SEC14L1: variants seen among roughly 807,000 people sequenced by gnomAD.
SEC14L1 encodes SEC14-like protein 1.
In SEC14L1, 48 loss-of-function variants were observed where a neutral mutation model predicts 85.3. The ratio of observed to expected loss-of-function variants is 0.56; its 90% CI spans 0.45 to 0.72. SEC14L1 has a LOEUF of 0.72. SEC14L1 is among the 30% of genes least tolerant of loss of function. The pLI is 0.00. For synonymous variants in SEC14L1, 391 were observed against 355.5 expected (o/e 1.10, Z -1.12); for missense variants, 682 against 921.4 (o/e 0.74, Z 3.36).
At chr17:77,200,737 C>G in intron 9 of SEC14L1, 64 bp downstream of exon 9, 1 of 1,503,868 alleles carries the variant, frequency 6.6e-7, no homozygotes, top group South Asian at 1.3e-5. Flanking sequence ...AGATATCTTC[C>G]AAGGCCTCCT....
At chr17:77,147,770 G>C (rs80352640) in intron 3 of SEC14L1, among the ~76,000 whole-genome samples, 1,872 of 152,274 alleles carry the variant, frequency 0.012, 23 homozygotes, top group South Asian at 0.046. Flanking sequence ...GGAACCTTCT[G>C]GGGGGATGGT....
intron 3 of SEC14L1, among the ~76,000 whole-genome samples, chr17:77,122,366 A>T (rs1046804003): frequency 6.6e-6 from 1 of 151,822 alleles, no homozygotes; most frequent in Admixed American, 6.6e-5. Flanking sequence ...CAGTGGCACA[A>T]TCTTGGCTCA....
In SEC14L1 at chr17:77,103,456, G is replaced by T. The variant is rs1311262299; in HGVS notation, c.-136+10109G>T. 2.7e-5 allele frequency among the ~76,000 whole-genome samples: 4 copies of T among 148,262 alleles called. No homozygotes were observed. The East Asian group carries it at 8.1e-4, about 30-fold the overall frequency. ...GTTGTTTTTTTTTTGTTGTTGTTTTGTTTTGTTTTTGAGACAGAACCTCAC... is the reference window on the plus strand; with the variant it reads ...GTTGTTTTTTTTTTGTTGTTGTTTTTTTTTGTTTTTGAGACAGAACCTCAC... On this transcript the variant is annotated intron_variant, in intron 3 of 19. Transcript: ENST00000392476.
In SEC14L1 at chr17:77,191,219, C is replaced by T. The variant is rs1222506587; in HGVS notation, c.252C>T (p.Asn84=). The change falls in exon 5 of 17, where the codon AAC becomes AAT. Residue 84 remains asparagine, a synonymous_variant. Transcript: ENST00000436233. The part of the protein sequence containing the change: ...GVDYVYFVQK[N]SLNSRERTLH... Reference sequence around the variant, plus strand: ...ATTATGTTTATTTTGTCCAGAAAAACTCACTGAATTCTCGGGAACGTACTT... The same window carrying T: ...ATTATGTTTATTTTGTCCAGAAAAATTCACTGAATTCTCGGGAACGTACTT... 2 of 1,612,746 alleles carry T rather than the reference C, an allele frequency of 1.2e-6. No homozygotes were observed. The highest frequency in any genetic ancestry group is 1.1e-5 in the South Asian group (1 of 91,062).
chr17:77,100,242 C>G (rs1971736612), intron 3 of SEC14L1, among the ~76,000 whole-genome samples: 1 of 152,238 alleles, frequency 6.6e-6, no homozygotes, highest in Admixed American at 6.5e-5. Context: ...CCCTCTGCTT[C>G]CCCTTCTGCA....
intron 3 of SEC14L1, among the ~76,000 whole-genome samples, chr17:77,114,635 G>GACC (rs1167124186): frequency 2.0e-5 from 3 of 150,592 alleles, no homozygotes; most frequent in Non-Finnish European, 4.4e-5. Flanking sequence ...GGGAGTTCGA[G>GACC]ACCAGCCTGG....
intron 3 of SEC14L1, among the ~76,000 whole-genome samples, chr17:77,175,084 CACA>C (rs898960063): frequency 6.6e-6 from 1 of 152,092 alleles, no homozygotes; most frequent in Non-Finnish European, 1.5e-5. Context: ...CATGTCAGGG[CACA>C]ACAAGAGCAG....
In SEC14L1 at chr17:77,194,866, C is replaced by T; in HGVS notation, c.664C>T (p.Leu222Phe). The change falls in exon 7 of 17, where the codon CTC becomes TTC. Residue 222 changes from leucine to phenylalanine, a missense_variant. Transcript: ENST00000436233. ...CAAGGAGGGGCTGAGTGGTGATGCC[C>T]TCAGCAGCCCCAGCGCACCTGAGCC... is the stretch of plus-strand genomic sequence containing the variant. ...ALKEGLSGDA[L>F]SSPSAPEPVV... The T allele has an allele frequency of 6.2e-7, 1 of 1,614,222 alleles. No individual in the cohort carries two copies. The highest frequency in any genetic ancestry group is 8.5e-7 in the Non-Finnish European group (1 of 1,180,036).
intron 3 of SEC14L1, among the ~76,000 whole-genome samples, chr17:77,182,679 GA>G (rs1357029455): frequency 7.2e-5 from 11 of 152,192 alleles, no homozygotes; most frequent in Admixed American, 2.0e-4. Flanking sequence ...GCGTGATTAG[GA>G]AATGGCTGGA....
intron 14 of SEC14L1, 88 bp downstream of exon 14, chr17:77,209,564 A>G (rs1976641131): frequency 7.1e-7 from 1 of 1,399,910 alleles, no homozygotes; most frequent in Non-Finnish European, 9.7e-7. Context: ...CCTTTCATTC[A>G]GAACAGTCCA....
At chr17:77,161,228 T>G (rs1354076503) in intron 3 of SEC14L1, among the ~76,000 whole-genome samples, 2 of 152,270 alleles carry the variant, frequency 1.3e-5, no homozygotes, top group Non-Finnish European at 2.9e-5. Context: ...GGCTCACGCC[T>G]ATAATCCCAG....
At chr17:77,187,737 A>T (rs1975333234) in intron 3 of SEC14L1, among the ~76,000 whole-genome samples, 1 of 135,136 alleles carries the variant, frequency 7.4e-6, no homozygotes, top group Non-Finnish European at 1.6e-5. Flanking sequence ...GGCTACTGGA[A>T]TTTTTTTTTT....
At chr17:77,183,011 G>A (rs1282328426) in intron 3 of SEC14L1, among the ~76,000 whole-genome samples, 2 of 152,224 alleles carry the variant, frequency 1.3e-5, no homozygotes, top group East Asian at 1.9e-4. Context: ...CCACCACCTC[G>A]ACCAGAGCTT....
intron 3 of SEC14L1, among the ~76,000 whole-genome samples, chr17:77,188,150 G>T (rs1361993422): frequency 6.6e-6 from 1 of 152,174 alleles, no homozygotes; most frequent in East Asian, 1.9e-4. Flanking sequence ...GATCTCATGT[G>T]TTCTTTACTC....
At chr17:77,203,088 G>A (rs776941196) in intron 9 of SEC14L1, among the ~76,000 whole-genome samples, 5 of 152,024 alleles carry the variant, frequency 3.3e-5, no homozygotes, top group Non-Finnish European at 7.4e-5. Flanking sequence ...AGTAATCTAT[G>A]ACATGAAAAA....
intron 3 of SEC14L1, among the ~76,000 whole-genome samples, chr17:77,164,971 G>A (rs955551313): frequency 1.3e-5 from 2 of 152,156 alleles, no homozygotes; most frequent in African/African-American, 4.8e-5. Flanking sequence ...CAAGTAGATC[G>A]TGTTTCCTTA....
intron 3 of SEC14L1, among the ~76,000 whole-genome samples, chr17:77,173,062 C>G (rs1041058008): frequency 3.3e-5 from 5 of 152,190 alleles, no homozygotes; most frequent in African/African-American, 1.2e-4. Flanking sequence ...AAGTATATAT[C>G]TGGGGTCTGA....
intron 4 of SEC14L1, 86 bp from the exon 5 acceptor site, chr17:77,191,095 C>A (rs1011602439): frequency 6.6e-7 from 1 of 1,521,708 alleles, no homozygotes; most frequent in African/African-American, 1.4e-5. Context: ...GAGGGCAGCC[C>A]CCAGAGACAA....
intron 3 of SEC14L1, among the ~76,000 whole-genome samples, chr17:77,148,660 T>C (rs1276303680): frequency 6.6e-6 from 1 of 152,224 alleles, no homozygotes; most frequent in African/African-American, 2.4e-5. Context: ...TCCCTGTCTG[T>C]CCCAGCACTG....
Sources: gnomAD v4.1 joint callset for allele counts (sites outside exome capture counted in the v4.1 genomes callset) on GRCh38, gnomAD v4.1.1 for gene constraint, MANE v1.5 for transcripts, NCBI Gene and HGNC (gene_info 2026-07-23, HGNC 2026-07-21) for gene names.